The following C13orf46 variants were observed in gnomAD, a reference collection of about 807,000 sequenced individuals.
The protein encoded by C13orf46 is uncharacterized protein C13orf46.
chr13:113,966,216 ATGG>A (rs1427082282), intron 5 of C13orf46, among the ~76,000 whole-genome samples: 4 of 148,916 alleles, frequency 2.7e-5, no homozygotes, highest in East Asian at 2.0e-4. Flanking sequence ...GGTGATTATA[ATGG>A]TGGTGATGAT....
chr13:113,962,322 C>T (rs986777625), intron 6 of C13orf46, among the ~76,000 whole-genome samples: 1 of 152,176 alleles, frequency 6.6e-6, no homozygotes, highest in African/African-American at 2.4e-5. Context: ...AGGAGAATGG[C>T]GTGAACCTGG....
At chr13:113,938,596 C>A in the C13orf46 span, among the ~76,000 whole-genome samples, 1 of 152,218 alleles carries the variant, frequency 6.6e-6, no homozygotes, top group Non-Finnish European at 1.5e-5. Context: ...TATCTCCCGA[C>A]TTGGGATTCC....
chr13:113,952,276 C>T (rs1321317285), downstream of C13orf46, among the ~76,000 whole-genome samples: 9 of 145,728 alleles, frequency 6.2e-5, no homozygotes, highest in South Asian at 1.5e-3. Context: ...GCTGTGTGGC[C>T]GCCGCTCCCG....
In C13orf46 at chr13:113,968,526, A is replaced by G. The variant is rs1247014531; in HGVS notation, c.409-12T>C. 1 of 152,284 alleles carries G rather than the reference A, an allele frequency of 6.6e-6. No homozygotes were observed. The highest frequency in any genetic ancestry group is 1.5e-5 in the Non-Finnish European group (1 of 68,072). 9.4% of individuals were successfully genotyped at this position (152,284 alleles called of 1,614,324 possible). A position where few individuals can be genotyped will look rare whatever the true frequency, so the allele number is the denominator to read the frequency against. ...TCTGCCTCCTGTTCCTGTAAGACCA[A>G]AGAGGTTAAGTGAAGGCCGGGCTCC... On this transcript the variant is annotated splice_polypyrimidine_tract_variant and intron_variant, in intron 3 of 6. Transcript: ENST00000636427.
At chr13:113,970,582 G>A (rs1361407380) in intron 1 of C13orf46, among the ~76,000 whole-genome samples, 1 of 152,192 alleles carries the variant, frequency 6.6e-6, no homozygotes, top group East Asian at 1.9e-4. Flanking sequence ...GCTGGCTGGA[G>A]GTAGCTGAGC....
the C13orf46 span, among the ~76,000 whole-genome samples, chr13:113,931,035 C>T: frequency 9.2e-5 from 14 of 152,146 alleles, no homozygotes; most frequent in African/African-American, 2.4e-4. Context: ...GGGAGGGACC[C>T]GGGGTTCTTG....
chr13:113,941,950 TC>T, the C13orf46 span, among the ~76,000 whole-genome samples: 4 of 152,166 alleles, frequency 2.6e-5, no homozygotes, highest in Non-Finnish European at 4.4e-5. Flanking sequence ...GACTCATTGC[TC>T]CTCCAGAGCA....
the C13orf46 span, among the ~76,000 whole-genome samples, chr13:113,934,379 T>C: frequency 6.6e-6 from 1 of 152,222 alleles, no homozygotes; most frequent in East Asian, 1.9e-4. Context: ...GGTATGTGTT[T>C]GACTTTTTAT....
chr13:113,942,974 C>T, the C13orf46 span, among the ~76,000 whole-genome samples: 10 of 152,314 alleles, frequency 6.6e-5, no homozygotes, highest in Non-Finnish European at 1.3e-4. Flanking sequence ...CTCTAAGGCC[C>T]GCTTGGTGGA....
rs1057178396 is a variant in C13orf46 at position 113,963,881 on chromosome 13, G to A, written c.572+1046C>T. Among the ~76,000 whole-genome samples, 649 of 152,198 alleles carry A rather than the reference G, an allele frequency of 4.3e-3. 10 individuals carry two copies. The East Asian group carries it at 0.06, about 14-fold the overall frequency. On this transcript the variant is annotated intron_variant, in intron 6 of 6. Transcript: ENST00000636427. ...GTTTGTTTGTTTGAGATGGAGTTTC[G>A]CTCTTGTCACCCAGGCTGGAGTGCA... is the stretch of plus-strand genomic sequence containing the variant.
At chr13:113,951,507 G>T (rs987774535), downstream of C13orf46, among the ~76,000 whole-genome samples, 1 of 152,184 alleles carries the variant, frequency 6.6e-6, no homozygotes, top group Admixed American at 6.5e-5. Context: ...CCACTCGGGG[G>T]AGATCCCGGC....
the C13orf46 span, among the ~76,000 whole-genome samples, chr13:113,930,428 G>A: frequency 0.29 from 42,307 of 147,504 alleles, 6,099 homozygotes; most frequent in African/African-American, 0.32. Context: ...CGAGGCGGGG[G>A]CGCGGGAGCA....
intron 5 of C13orf46, among the ~76,000 whole-genome samples, chr13:113,966,184 T>TGGC (rs1274075162): frequency 0.7 from 100,611 of 144,374 alleles, 36,126 homozygotes; most frequent in African/African-American, 0.86. Context: ...ATGATGATGA[T>TGGC]GGTGATGATG....
the C13orf46 span, among the ~76,000 whole-genome samples, chr13:113,947,037 G>A: frequency 6.6e-6 from 1 of 152,254 alleles, no homozygotes; most frequent in African/African-American, 2.4e-5. Flanking sequence ...AGATGCTCTG[G>A]GAGAGAGGGG....
At chr13:113,946,166 T>G in the C13orf46 span, among the ~76,000 whole-genome samples, 1 of 152,234 alleles carries the variant, frequency 6.6e-6, no homozygotes, top group Non-Finnish European at 1.5e-5. Context: ...ACGGCTTTAT[T>G]TGCGCCCCGC....
the C13orf46 span, among the ~76,000 whole-genome samples, chr13:113,947,101 G>C: frequency 6.6e-6 from 1 of 152,268 alleles, no homozygotes. Context: ...AGAAGGTGAG[G>C]TGGAGCGGGA....
At chr13:113,936,259 G>A in the C13orf46 span, among the ~76,000 whole-genome samples, 1 of 152,224 alleles carries the variant, frequency 6.6e-6, no homozygotes. Flanking sequence ...CAACATCCAT[G>A]AGTGTTGATA....
intron 6 of C13orf46, among the ~76,000 whole-genome samples, chr13:113,962,609 T>C (rs2052596081): frequency 6.6e-6 from 1 of 152,114 alleles, no homozygotes; most frequent in Admixed American, 6.5e-5. Context: ...TGAGATGAGG[T>C]AGCAAACCTA....
chr13:113,967,575 C>T (rs986187787), intron 4 of C13orf46, among the ~76,000 whole-genome samples, 187 bp from the exon 5 acceptor site: 28 of 152,230 alleles, frequency 1.8e-4, no homozygotes, highest in African/African-American at 5.1e-4. Flanking sequence ...GCAGAGCTGA[C>T]GGCAGTATGG....
Sources: gnomAD v4.1 joint callset for allele counts (sites outside exome capture counted in the v4.1 genomes callset) on GRCh38, gnomAD v4.1.1 for gene constraint, MANE v1.5 for transcripts, NCBI Gene and HGNC (gene_info 2026-07-23, HGNC 2026-07-21) for gene names.